The following EDN1 variants were observed in gnomAD, a reference collection of about 807,000 sequenced individuals.
EDN1 encodes the protein endothelin 1.
Under a neutral mutation model 21.7 loss-of-function variants are expected in EDN1, and 11 were observed. That is an observed-to-expected ratio of 0.51 (90% confidence interval 0.32 to 0.84). The LOEUF (loss-of-function observed/expected upper bound fraction) is 0.84, where lower values mean the gene tolerates loss of function less well. Ranked by LOEUF, EDN1 falls within the 40% of genes least tolerant of loss-of-function variation. EDN1 has a pLI of 0.03. For synonymous variants in EDN1, 85 were observed against 90.6 expected (o/e 0.94, Z 0.35); for missense variants, 244 against 262.3 (o/e 0.93, Z 0.48).
At chr6:12,294,920 CTTTT>C (rs61701314) in intron 4 of EDN1, among the ~76,000 whole-genome samples, 13,450 of 107,668 alleles carry the variant, frequency 0.12, 773 homozygotes, top group Middle Eastern at 0.19. Context: ...GGTTTATGGT[CTTTT>C]TTTTTTTTTT....
chr6:12,270,864 G>A, the EDN1 span, among the ~76,000 whole-genome samples: 1 of 152,334 alleles, frequency 6.6e-6, no homozygotes, highest in East Asian at 1.9e-4. Flanking sequence ...ATTGCTGAAA[G>A]CAGGGTGTTG....
At chr6:12,286,081 G>A (rs1447884910), upstream of EDN1, among the ~76,000 whole-genome samples, 2 of 152,140 alleles carry the variant, frequency 1.3e-5, no homozygotes, top group Non-Finnish European at 2.9e-5. Context: ...CAGTTAAAAG[G>A]AAAATATTAA....
At chr6:12,266,400 G>A in the EDN1 span, among the ~76,000 whole-genome samples, 48 of 152,312 alleles carry the variant, frequency 3.2e-4, no homozygotes, top group African/African-American at 1.1e-3. Context: ...CAGAGCAGGA[G>A]GGAAGAACAC....
In EDN1 at chr6:12,294,040, T is replaced by C; in HGVS notation, c.333T>C (p.Cys111=). The C allele has an allele frequency of 6.2e-7, 1 of 1,614,240 alleles. No individual in the cohort carries two copies. Among genetic ancestry groups the C allele is most frequent in the Non-Finnish European group, 8.5e-7 (1 of 1,180,038 alleles). ...CAGACCGTGAAAATAGATGCCAATGTGCTAGCCAAAAAGACAAGAAGTGCT... is the reference window on the plus strand; with the variant it reads ...CAGACCGTGAAAATAGATGCCAATGCGCTAGCCAAAAAGACAAGAAGTGCT... ...KATDRENRCQ[C]ASQKDKKCWN... is the part of the protein sequence containing the mutation. The change falls in exon 3 of 5, where the codon TGT becomes TGC. Residue 111 remains cysteine, a synonymous_variant. Transcript: ENST00000379375.
At chr6:12,258,596 G>A in the EDN1 span, among the ~76,000 whole-genome samples, 3 of 152,082 alleles carry the variant, frequency 2.0e-5, no homozygotes, top group African/African-American at 7.2e-5. Context: ...AATCCAAAGC[G>A]TGATTCTGAA....
chr6:12,278,893 T>A, the EDN1 span, among the ~76,000 whole-genome samples: 5 of 151,730 alleles, frequency 3.3e-5, no homozygotes, highest in South Asian at 1.0e-3. Flanking sequence ...CGAGATTCCG[T>A]AAAAAAAACA....
chr6:12,231,165 TA>T, the EDN1 span, among the ~76,000 whole-genome samples: 1 of 152,240 alleles, frequency 6.6e-6, no homozygotes, highest in South Asian at 2.1e-4. Context: ...TTCAGCCATC[TA>T]ACCCTGGCAC....
the EDN1 span, among the ~76,000 whole-genome samples, chr6:12,281,818 A>G: frequency 6.6e-6 from 1 of 152,230 alleles, no homozygotes; most frequent in African/African-American, 2.4e-5. Flanking sequence ...TGTGTTCCCT[A>G]GAAGGGATCG....
the EDN1 span, among the ~76,000 whole-genome samples, chr6:12,231,539 C>A: frequency 1.3e-5 from 2 of 152,120 alleles, no homozygotes; most frequent in Non-Finnish European, 2.9e-5. Flanking sequence ...CTTCTAGATT[C>A]TTCCAGGGTC....
At chr6:12,238,172 A>G in the EDN1 span, among the ~76,000 whole-genome samples, 2 of 38,276 alleles carry the variant, frequency 5.2e-5, 1 homozygote. Context: ...ACTCTATCTC[A>G]AAAAAAAAAA....
intron 2 of EDN1, 60 bp from the exon 3 acceptor site, chr6:12,293,881 G>A: frequency 6.3e-7 from 1 of 1,586,538 alleles, no homozygotes. Context: ...GTGTGTCCAT[G>A]TGTCATTTTA....
At chr6:12,284,893 T>C in the EDN1 span, among the ~76,000 whole-genome samples, 1 of 152,154 alleles carries the variant, frequency 6.6e-6, no homozygotes, top group African/African-American at 2.4e-5. Context: ...TTGTTTAAAA[T>C]GACTTCACAA....
the EDN1 span, among the ~76,000 whole-genome samples, chr6:12,247,536 CTTTTTTTT>C: frequency 1.0e-5 from 1 of 97,760 alleles, no homozygotes; most frequent in African/African-American, 4.2e-5. Context: ...TTCTTTCTTT[CTTTTTTTT>C]TTTTTTTTTT....
chr6:12,291,222 C>G lies in EDN1; in HGVS notation c.64+529C>G, dbSNP rs879758253. ...TCTGTTGACTAACTACCGCCTCCCC[C>G]CCCCCCCGCCACCACCCCCCGCAGG... On this transcript the variant is annotated intron_variant, in intron 1 of 4. Coordinates refer to ENST00000379375, the MANE Select transcript of EDN1 (RefSeq NM_001955.5). 2.4e-4 allele frequency among the ~76,000 whole-genome samples: 24 copies of G among 98,830 alleles called. 1 individual carries two copies. The highest frequency in any genetic ancestry group is 4.7e-4 in the Admixed American group (4 of 8,492). The allele number at this position is 98,830 out of a possible 152,430, so 64.8% of individuals were successfully genotyped here.
At chr6:12,261,018 C>T in the EDN1 span, among the ~76,000 whole-genome samples, 4 of 152,180 alleles carry the variant, frequency 2.6e-5, no homozygotes, top group Admixed American at 2.6e-4. Context: ...CTACTTTTCA[C>T]TTCTAGAAAT....
the EDN1 span, among the ~76,000 whole-genome samples, chr6:12,270,962 GT>G: frequency 6.6e-6 from 1 of 152,088 alleles, no homozygotes; most frequent in Non-Finnish European, 1.5e-5. Context: ...TCAACTGCTA[GT>G]TTCACATATA....
chr6:12,248,842 ATAT>A, the EDN1 span, among the ~76,000 whole-genome samples: 1 of 152,208 alleles, frequency 6.6e-6, no homozygotes, highest in Non-Finnish European at 1.5e-5. Flanking sequence ...ATATTAAGTG[ATAT>A]TATAGCATAC....
At chr6:12,295,297 C>G in intron 4 of EDN1, among the ~76,000 whole-genome samples, 1 of 152,228 alleles carries the variant, frequency 6.6e-6, no homozygotes, top group Non-Finnish European at 1.5e-5. Flanking sequence ...GGGGCAGCCT[C>G]AGCTATCGGT....
At chr6:12,231,952 CA>C in the EDN1 span, among the ~76,000 whole-genome samples, 14 of 150,904 alleles carry the variant, frequency 9.3e-5, no homozygotes, top group African/African-American at 3.1e-4. Flanking sequence ...AACCAAAAAA[CA>C]ATAGACTTAA....
Sources: gnomAD v4.1 joint callset for allele counts (sites outside exome capture counted in the v4.1 genomes callset) on GRCh38, gnomAD v4.1.1 for gene constraint, MANE v1.5 for transcripts, NCBI Gene and HGNC (gene_info 2026-07-23, HGNC 2026-07-21) for gene names.